RBM26: variants seen among roughly 807,000 people sequenced by gnomAD.
RBM26 encodes RNA-binding protein 26.
In RBM26, 30 loss-of-function variants were observed where a neutral mutation model predicts 123.6. The observed-to-expected ratio is 0.24, with a 90% CI of 0.18 to 0.33. The LOEUF (loss-of-function observed/expected upper bound fraction) is 0.33. Ranked by LOEUF, RBM26 falls within the 10% of genes least tolerant of loss-of-function variation. The pLI is 1.00. For missense variants in RBM26, 947 were observed against 1,203.6 expected (o/e 0.79, Z 3.15); for synonymous variants, 400 against 404.4 (o/e 0.99, Z 0.13).
intron 20 of RBM26, among the ~76,000 whole-genome samples, chr13:79,327,051 T>G (rs1420233924): frequency 6.6e-6 from 1 of 152,112 alleles, no homozygotes; most frequent in Non-Finnish European, 1.5e-5. Context: ...ATTCTAGCAC[T>G]TTGTGAGGCT....
intron 14 of RBM26, among the ~76,000 whole-genome samples, chr13:79,350,921 G>A (rs1416852246): frequency 6.6e-6 from 1 of 152,012 alleles, no homozygotes; most frequent in Admixed American, 6.6e-5. Flanking sequence ...CACTGAAGAT[G>A]AATAAAAGTT....
chr13:79,322,340 A>G lies in RBM26; in HGVS notation c.2934+9T>C. ...AAGGGTAAAAATAAGTGGAAAAAAA[A>G]TAACATACTTCTTCTTCATCAGGCT... is the stretch of plus-strand genomic sequence containing the variant. On this transcript the variant is annotated intron_variant, in intron 21 of 21. Coordinates refer to ENST00000438737, the MANE Select transcript of RBM26 (RefSeq NM_001366735.2). 1 of 1,519,342 alleles carries G rather than the reference A, an allele frequency of 6.6e-7. No homozygotes were observed. The highest frequency in any genetic ancestry group is 8.9e-7 in the Non-Finnish European group (1 of 1,127,022). 94.1% of individuals were successfully genotyped at this position (1,519,342 alleles called of 1,614,324 possible).
chr13:79,328,943 A>G (rs9574405), intron 20 of RBM26, among the ~76,000 whole-genome samples: 54,605 of 151,480 alleles, frequency 0.36, 11,541 homozygotes, highest in Middle Eastern at 0.51. Context: ...TTTTTTTTTA[A>G]TAAGAAAAGT....
At chr13:79,327,016 C>A (rs1299816908) in intron 20 of RBM26, among the ~76,000 whole-genome samples, 1 of 151,990 alleles carries the variant, frequency 6.6e-6, no homozygotes, top group Non-Finnish European at 1.5e-5. Context: ...CATTTCTAGC[C>A]TGGGCGTAGT....
intron 1 of RBM26, among the ~76,000 whole-genome samples, chr13:79,387,379 CCTA>C (rs2077579456): frequency 6.6e-6 from 1 of 152,212 alleles, no homozygotes; most frequent in East Asian, 1.9e-4. Flanking sequence ...ACCTTTCAAA[CCTA>C]CTTTGTCCCA....
intron 3 of RBM26, among the ~76,000 whole-genome samples, chr13:79,373,510 T>TA (rs1324273140): frequency 2.3e-3 from 66 of 29,300 alleles, no homozygotes; most frequent in Non-Finnish European, 3.3e-3. Context: ...AATATACTTA[T>TA]TTATATATAT....
At chr13:79,381,029 AAAT>A (rs2140262460) in intron 1 of RBM26, among the ~76,000 whole-genome samples, 1 of 152,270 alleles carries the variant, frequency 6.6e-6, no homozygotes, top group South Asian at 2.1e-4. Context: ...ACTAACAATA[AAAT>A]AATAGCAGTA....
chr13:79,384,911 T>A (rs2077358637), intron 1 of RBM26, among the ~76,000 whole-genome samples: 1 of 152,196 alleles, frequency 6.6e-6, no homozygotes, highest in Non-Finnish European at 1.5e-5. Context: ...TCAAAAAGTT[T>A]GTTTTGCACG....
intron 1 of RBM26, among the ~76,000 whole-genome samples, chr13:79,395,051 TC>T (rs2078435300): frequency 6.6e-6 from 1 of 152,166 alleles, no homozygotes; most frequent in Non-Finnish European, 1.5e-5. Context: ...TGACTCAGCC[TC>T]CACTCAAGTG....
intron 4 of RBM26, 62 bp from the exon 5 acceptor site, chr13:79,371,224 T>C: frequency 7.4e-7 from 1 of 1,352,268 alleles, no homozygotes; most frequent in Non-Finnish European, 1.0e-6. Flanking sequence ...AAAAAGCTAA[T>C]TAAATGCAAA....
At chr13:79,396,296 A>AC (rs1381259243) in intron 1 of RBM26, among the ~76,000 whole-genome samples, 2 of 152,214 alleles carry the variant, frequency 1.3e-5, no homozygotes, top group African/African-American at 4.8e-5. Flanking sequence ...CATAAAAATA[A>AC]AACACTGAAA....
intron 1 of RBM26, among the ~76,000 whole-genome samples, chr13:79,388,258 G>A (rs2031815): frequency 0.5 from 76,775 of 152,066 alleles, 19,791 homozygotes; most frequent in Middle Eastern, 0.6. Flanking sequence ...ACCACGTCTG[G>A]CTAATTTTTG....
intron 18 of RBM26, among the ~76,000 whole-genome samples, chr13:79,337,819 T>C (rs189475584): frequency 1.3e-5 from 2 of 152,344 alleles, no homozygotes; most frequent in Admixed American, 1.3e-4. Flanking sequence ...TTCTGTATGA[T>C]GATAGCACAC....
At chr13:79,370,363 T>C (rs2075757251) in intron 5 of RBM26, among the ~76,000 whole-genome samples, 1 of 152,190 alleles carries the variant, frequency 6.6e-6, no homozygotes, top group African/African-American at 2.4e-5. Flanking sequence ...ATATGTATTG[T>C]CCTGCTTCTT....
At chr13:79,385,237 T>C (rs947811931) in intron 1 of RBM26, among the ~76,000 whole-genome samples, 3 of 152,210 alleles carry the variant, frequency 2.0e-5, no homozygotes, top group African/African-American at 4.8e-5. Context: ...ATTTTAATTG[T>C]AGTTTATTAC....
intron 9 of RBM26, among the ~76,000 whole-genome samples, chr13:79,360,535 T>C (rs551693274): frequency 1.1e-4 from 17 of 152,054 alleles, no homozygotes; most frequent in Non-Finnish European, 2.2e-4. Flanking sequence ...ATAATCACTT[T>C]GAGGCTTTAA....
chr13:79,386,587 TC>T (rs2077503874), intron 1 of RBM26, among the ~76,000 whole-genome samples: 4 of 24,188 alleles, frequency 1.7e-4, no homozygotes, highest in Non-Finnish European at 3.7e-4. Context: ...CAGAACTCTC[TC>T]TTTAAAAAAA....
At chr13:79,391,578 A>G (rs749709233) in intron 1 of RBM26, among the ~76,000 whole-genome samples, 3 of 151,776 alleles carry the variant, frequency 2.0e-5, no homozygotes, top group Non-Finnish European at 2.9e-5. Context: ...CGCCCACCAC[A>G]ACACCAGGCT....
At chr13:79,393,238 G>T (rs1416077718) in intron 1 of RBM26, among the ~76,000 whole-genome samples, 1 of 152,184 alleles carries the variant, frequency 6.6e-6, no homozygotes. Context: ...CTGAAAAACA[G>T]TTCCAAAAGT....
Sources: gnomAD v4.1 joint callset for allele counts (sites outside exome capture counted in the v4.1 genomes callset) on GRCh38, gnomAD v4.1.1 for gene constraint, MANE v1.5 for transcripts, NCBI Gene and HGNC (gene_info 2026-07-23, HGNC 2026-07-21) for gene names.